DNASE1: variants seen among roughly 807,000 people sequenced by gnomAD.
DNASE1 encodes deoxyribonuclease 1, also known as deoxyribonuclease-1.
Under a neutral mutation model 33.9 loss-of-function variants are expected in DNASE1, and 40 were observed. The observed-to-expected ratio is 1.18, with a 90% CI of 0.92 to 1.54. The LOEUF is 1.54. DNASE1 is among the 40% of genes most tolerant of loss of function. The pLI, the probability that DNASE1 is intolerant of heterozygous loss-of-function variation, is 0.00. For synonymous variants in DNASE1, 216 were observed against 160.0 expected, an observed-to-expected ratio of 1.35 and a Z score of -2.64; for missense variants, 518 against 372.6, an observed-to-expected ratio of 1.39 and a Z score of -3.21.
chr16:3,615,936 C>G (rs1043672910), intron 1 of DNASE1, among the ~76,000 whole-genome samples: 1 of 152,212 alleles, frequency 6.6e-6, no homozygotes, highest in Non-Finnish European at 1.5e-5. Flanking sequence ...GTCCACCTCC[C>G]TCTCCTTTAT....
intron 1 of DNASE1, among the ~76,000 whole-genome samples, chr16:3,621,946 C>T (rs763744153): frequency 6.6e-6 from 1 of 152,128 alleles, no homozygotes; most frequent in South Asian, 2.1e-4. Context: ...ATTGGCCAGG[C>T]GTGGTGGCTC....
At chr16:3,641,341 C>T (rs376851726), upstream of DNASE1, 41 of 163,176 alleles carry the variant, frequency 2.5e-4, no homozygotes, top group African/African-American at 9.3e-4. Flanking sequence ...TGCCTGCTCT[C>T]CTCCTGGGGT....
downstream of DNASE1, chr16:3,662,791 A>G: frequency 8.1e-7 from 1 of 1,230,764 alleles, no homozygotes; most frequent in Non-Finnish European, 1.2e-6. Context: ...CTGGAAGGAC[A>G]CCCAACGGGC....
downstream of DNASE1, chr16:3,658,609 GTT>G: frequency 3.2e-6 from 2 of 615,902 alleles, no homozygotes; most frequent in Non-Finnish European, 5.7e-6. Flanking sequence ...GGAGGCAGAG[GTT>G]GTAGTGAGCC....
At chr16:3,628,138 A>C (rs2041579862) in intron 1 of DNASE1, among the ~76,000 whole-genome samples, 2 of 152,022 alleles carry the variant, frequency 1.3e-5, no homozygotes, top group South Asian at 4.1e-4. Flanking sequence ...TGTAGTTTTC[A>C]TTGTATGAAT....
upstream of DNASE1, among the ~76,000 whole-genome samples, chr16:3,641,625 G>A (rs969727807): frequency 1.3e-5 from 2 of 152,234 alleles, no homozygotes; most frequent in African/African-American, 4.8e-5. Flanking sequence ...GGTGCCCTCA[G>A]AAAACACGAA....
At chr16:3,648,640 C>G (rs914502662) in intron 1 of DNASE1, among the ~76,000 whole-genome samples, 1 of 152,190 alleles carries the variant, frequency 6.6e-6, no homozygotes, top group African/African-American at 2.4e-5. Flanking sequence ...CGTAGTGAGA[C>G]CCTGTTCCTA....
chr16:3,637,370 T>G (rs926686038), intron 1 of DNASE1, among the ~76,000 whole-genome samples: 1 of 152,192 alleles, frequency 6.6e-6, no homozygotes, highest in African/African-American at 2.4e-5. Flanking sequence ...CCTATTTATG[T>G]GGTGGGAAGG....
chr16:3,658,123 TGGCTGTCAGTGTCGCTCCAG>T (rs1380987022), downstream of DNASE1: 3 of 1,613,896 alleles, frequency 1.9e-6, no homozygotes, highest in Admixed American at 5.0e-5. Context: ...TCTGGCCCCC[TGGCTGTCAGTGTCGCTCCAG>T]GGCCTTGACA....
chr16:3,637,144 G>A (rs1247187649), intron 1 of DNASE1, among the ~76,000 whole-genome samples: 1 of 150,878 alleles, frequency 6.6e-6, no homozygotes, highest in African/African-American at 2.4e-5. Flanking sequence ...GAAAAGAAAA[G>A]GAAGTAACTG....
chr16:3,617,186 C>T (rs967478392), intron 1 of DNASE1, among the ~76,000 whole-genome samples: 6 of 151,390 alleles, frequency 4.0e-5, no homozygotes, highest in Non-Finnish European at 5.9e-5. Context: ...ATTAGCAGGG[C>T]GTGGTGGTGT....
chr16:3,639,412 C>T (rs1253158980), upstream of DNASE1, among the ~76,000 whole-genome samples: 2 of 152,218 alleles, frequency 1.3e-5, no homozygotes, highest in Non-Finnish European at 2.9e-5. Context: ...CACCAACCCC[C>T]CGGCTTTCCA....
rs372063579 is a variant in DNASE1, at chr16:3,657,024, C to T, written c.462C>T (p.Pro154=). 24 of 1,613,758 alleles carry T rather than the reference C, an allele frequency of 1.5e-5. No homozygotes were observed. In the African/African-American group the frequency reaches 1.9e-4, roughly 13 times the overall value. Reference sequence around the variant, plus strand: ...AGGTCAGGGAGTTTGCCATTGTTCCCCTGCATGCGGCCCCGGGGGACGCAG... The same window carrying T: ...AGGTCAGGGAGTTTGCCATTGTTCCTCTGCATGCGGCCCCGGGGGACGCAG... ...FTEVREFAIV[P]LHAAPGDAVA... The change falls in exon 6 of 9, where the codon CCC becomes CCT. Residue 154 remains proline, a synonymous_variant. Coordinates refer to ENST00000246949, the MANE Select transcript of DNASE1 (RefSeq NM_005223.4).
intron 1 of DNASE1, among the ~76,000 whole-genome samples, chr16:3,619,535 G>T (rs1447593849): frequency 6.7e-6 from 1 of 149,620 alleles, no homozygotes; most frequent in African/African-American, 2.5e-5. Flanking sequence ...CTCCATTTTT[G>T]TATTTTTAGT....
intron 5 of DNASE1, 79 bp from the exon 6 acceptor site, chr16:3,656,920 T>C: frequency 6.4e-7 from 1 of 1,570,374 alleles, no homozygotes; most frequent in Non-Finnish European, 8.6e-7. Context: ...GGGACTGTCA[T>C]GATACATAGT....
intron 1 of DNASE1, among the ~76,000 whole-genome samples, chr16:3,635,739 A>G (rs1207838501): frequency 6.6e-6 from 1 of 150,764 alleles, no homozygotes; most frequent in Non-Finnish European, 1.5e-5. Flanking sequence ...CACTATAAAT[A>G]TTCCCTCTAC....
intron 4 of DNASE1, 108 bp from the exon 5 acceptor site, chr16:3,656,530 G>T (rs1180063094): frequency 1.3e-6 from 1 of 798,016 alleles, no homozygotes; most frequent in Non-Finnish European, 2.1e-6. Flanking sequence ...GCAGGTGCCT[G>T]GCTCCCCCGC....
downstream of DNASE1, chr16:3,659,670 C>T (rs1451106060): frequency 2.0e-5 from 3 of 152,022 alleles, no homozygotes; most frequent in African/African-American, 4.8e-5. Flanking sequence ...CAACTGGAGT[C>T]GGGAAAACCA....
downstream of DNASE1, chr16:3,662,670 G>A: frequency 4.3e-6 from 3 of 691,348 alleles, no homozygotes; most frequent in Non-Finnish European, 5.3e-6. Flanking sequence ...CTGCTCTGGA[G>A]CAGGGCTGGG....
Sources: gnomAD v4.1 joint callset for allele counts (sites outside exome capture counted in the v4.1 genomes callset) on GRCh38, gnomAD v4.1.1 for gene constraint, MANE v1.5 for transcripts, NCBI Gene and HGNC (gene_info 2026-07-23, HGNC 2026-07-21) for gene names.